TSC2: variants seen among roughly 807,000 people sequenced by gnomAD.
TSC2 encodes the protein TSC complex subunit 2, also known as tuberin.
Under a neutral mutation model 202.2 loss-of-function variants are expected in TSC2, and 29 were observed. That is an observed-to-expected ratio of 0.14 (90% CI 0.11 to 0.20). The LOEUF (loss-of-function observed/expected upper bound fraction) is 0.20, where lower values mean the gene tolerates loss of function less well. Among genes scored for constraint, TSC2 ranks in the 10% least tolerant of loss-of-function variants. TSC2 has a pLI of 1.00. For missense variants in TSC2, 2,429 were observed against 2,420.0 expected (o/e 1.00, Z -0.08); for synonymous variants, 1,349 against 1,044.0 (o/e 1.29, Z -5.63).
In TSC2 at chr16:2,089,376, C is replaced by G. The variant is rs555453899; in HGVS notation, c.*766C>G. On this transcript the variant is annotated 3_prime_UTR_variant, in exon 42 of 42. Coordinates refer to ENST00000219476, the MANE Select transcript of TSC2 (RefSeq NM_000548.5). ...AGGGTGGCGGCGGTGCAGGCTAACC[C>G]TCCCTGAAGCCAGCAGCCTTAGCAG... 1 of 399,426 alleles carries G rather than the reference C, an allele frequency of 2.5e-6. No individual in the cohort carries two copies. The highest frequency in any genetic ancestry group is 4.6e-6 in the Non-Finnish European group (1 of 217,782). The allele number at this position is 399,426 out of a possible 1,614,324, so 24.7% of individuals were successfully genotyped here. A position where few individuals can be genotyped will look rare whatever the true frequency, so the allele number is the denominator to read the frequency against.
chr16:2,076,511 C>G lies in TSC2; in HGVS notation c.2763C>G (p.Leu921=), dbSNP rs771817176. ...FITKGLRSNV[L]LSFDDTPEKD... ...GCCAGGGCCTGCGGTCCAATGTCCT[C>G]TTGTCTTTTGATGACACCCCCGAGA... Residue 921 remains leucine, a synonymous_variant, in exon 25 of 42, where the codon CTC becomes CTG. Transcript: ENST00000219476. 1 of 1,613,550 alleles carries G rather than the reference C, an allele frequency of 6.2e-7. No homozygotes were observed.
In TSC2 at chr16:2,048,064, G is replaced by A. The variant is rs1389444449; in HGVS notation, c.-31G>A. ...GCCCGGAGCGCGGTGGCGCGGCGCG[G>A]GGTAAGTGGCGGTCCCCACGGGGCA... is the stretch of plus-strand genomic sequence containing the variant. On this transcript the variant is annotated splice_region_variant and 5_prime_UTR_variant, in exon 1 of 42. Coordinates refer to ENST00000219476, the MANE Select transcript of TSC2 (RefSeq NM_000548.5). 7 of 1,426,590 alleles carry A rather than the reference G, an allele frequency of 4.9e-6. No individual in the cohort carries two copies. The highest frequency in any genetic ancestry group is 6.4e-6 in the Non-Finnish European group (7 of 1,097,274). The allele number at this position is 1,426,590 out of a possible 1,614,324, so 88.4% of individuals were successfully genotyped here. A position where few individuals can be genotyped will look rare whatever the true frequency, so the allele number is the denominator to read the frequency against.
intron 7 of TSC2, 149 bp from the exon 8 acceptor site, chr16:2,056,495 C>T (rs1022033890): frequency 3.7e-5 from 47 of 1,277,504 alleles, no homozygotes; most frequent in East Asian, 3.5e-4. Flanking sequence ...CCCACATGCC[C>T]GCTTGCCCTG....
At chr16:2,086,516 C>A in intron 37 of TSC2, 137 bp downstream of exon 37, 1 of 1,421,084 alleles carries the variant, frequency 7.0e-7, no homozygotes, top group Non-Finnish European at 9.6e-7. Context: ...AGGTTCCGAG[C>A]CTAACAGCGT....
intron 21 of TSC2, 121 bp from the exon 22 acceptor site, chr16:2,074,079 G>A (rs1392348149): frequency 7.8e-7 from 1 of 1,283,688 alleles, no homozygotes; most frequent in Non-Finnish European, 1.1e-6. Context: ...TGCCCCACAG[G>A]CATTCAGGGA....
rs1319507779 is a variant in TSC2 at position 2,087,194 on chromosome 16, C to A, written c.4989+323C>A. The A allele has an allele frequency of 2.3e-5, 10 of 437,988 alleles. 1 individual carries two copies. Among genetic ancestry groups the A allele is most frequent in the Admixed American group, 2.1e-4 (6 of 28,484 alleles). 27.1% of individuals were successfully genotyped at this position (437,988 alleles called of 1,614,324 possible). A position where few individuals can be genotyped will look rare whatever the true frequency, so the allele number is the denominator to read the frequency against. ...GCCCCCACCATCTCCCCAGTGGCAG[C>A]TGTCAGGCTGCTCAGTTGGTTATCG... On this transcript the variant is annotated intron_variant, in intron 38 of 41. Transcript: ENST00000219476.
At chr16:2,065,027 T>A (rs906951715) in intron 15 of TSC2, 3 of 189,952 alleles carry the variant, frequency 1.6e-5, no homozygotes, top group African/African-American at 7.2e-5. Context: ...GGCAGGAGAA[T>A]CGCTTGAACC....
In TSC2 at chr16:2,079,230, C is replaced by A. The variant is rs45487103; in HGVS notation, c.3131+34C>A. On this transcript the variant is annotated intron_variant, in intron 27 of 41. Transcript: ENST00000219476. This position sits in a 1 kb window ranked among gnomAD's most constrained non-coding sequence, Gnocchi z 4.6. ...GGCACTACAGGGCTGGGCGGGCCTG[C>A]GGGAGCTCCACGGGCAAGCTGGGTT... 6.2e-7 allele frequency: 1 copy of A among 1,612,884 alleles called. No individual in the cohort carries two copies. Among genetic ancestry groups the A allele is most frequent in the Non-Finnish European group, 8.5e-7 (1 of 1,180,012 alleles).
intron 15 of TSC2, chr16:2,064,738 A>G: frequency 4.1e-6 from 2 of 483,194 alleles, no homozygotes; most frequent in South Asian, 4.2e-5. Context: ...CTGCCCAGCC[A>G]ACAGCTTTGC....
At position 2,053,426 on chromosome 16, in the gene TSC2, C is replaced by G. The variant is rs1596259554; in HGVS notation, c.310C>G (p.Leu104Val). Residue 104 changes from leucine (L) to valine (V), a missense_variant, in exon 4 of 42, where the codon CTG becomes GTG. Physicochemically the swap from Leu to Val is conservative, Grantham distance 32. Coordinates refer to ENST00000219476, the MANE Select transcript of TSC2 (RefSeq NM_000548.5). ...PLEARHAVLA[L>V]LKAIVQGQGE... ...GGAGGCCCGGCACGCGGTGCTGGCT[C>G]TGCTGAAGGCCATCGTGCAGGGGCA... is the stretch of plus-strand genomic sequence containing the variant. The G allele has an allele frequency of 6.3e-7, 1 of 1,582,188 alleles. No homozygotes were observed. Among genetic ancestry groups the G allele is most frequent in the Non-Finnish European group, 8.6e-7 (1 of 1,164,886 alleles).
rs876659386 is a variant in TSC2, at chr16:2,062,977, A to G, written c.1367A>G (p.Glu456Gly). 2 of 1,550,634 alleles carry G rather than the reference A, an allele frequency of 1.3e-6. No individual in the cohort carries two copies. Among genetic ancestry groups the G allele is most frequent in the Admixed American group, 2.0e-5 (1 of 51,006 alleles). The change falls in exon 14 of 42, where the codon GAG becomes GGG. Residue 456 changes from glutamate to glycine, a missense_variant. By Grantham distance (98) the Glu-to-Gly change is moderately conservative. Coordinates refer to ENST00000219476, the MANE Select transcript of TSC2 (RefSeq NM_000548.5). Reference protein sequence around the residue: ...QALMERFFRSESRGAVRIKVL... With the variant: ...QALMERFFRSGSRGAVRIKVL... ...AGCAGGCTGCCGTCCCGCAGGAGCG[A>G]GTCCCGAGGCGCCGTGCGCATCAAG...
At chr16:2,071,471 C>G (rs751931493) in intron 17 of TSC2, 39 bp from the exon 18 acceptor site, 1 of 1,610,530 alleles carries the variant, frequency 6.2e-7, no homozygotes, top group Non-Finnish European at 8.5e-7. Flanking sequence ...TGGGCCTGCA[C>G]GAGCTTGGCT....
rs1596356675 is a variant in TSC2 at position 2,074,314 on chromosome 16, C to T, written c.2470C>T (p.Pro824Ser). 6.2e-7 allele frequency: 1 copy of T among 1,613,068 alleles called. No homozygotes were observed. Among genetic ancestry groups the T allele is most frequent in the Non-Finnish European group, 8.5e-7 (1 of 1,180,034 alleles). Residue 824 changes from proline (P) to serine (S), a missense_variant, in exon 22 of 42, where the codon CCT becomes TCT. By Grantham distance (74) the Pro-to-Ser change is moderately conservative. Transcript: ENST00000219476. Reference protein sequence around the residue: ...EMPDIIIKALPVLVVKLTHIS... With the variant: ...EMPDIIIKALSVLVVKLTHIS... ...GCCTGACATCATCATCAAGGCGCTG[C>T]CTGTTCTGGTGGTGAAGCTCACGCA...
At chr16:2,066,184 C>T (rs887241209) in intron 16 of TSC2, 4 of 156,924 alleles carry the variant, frequency 2.5e-5, no homozygotes, top group Admixed American at 2.4e-4. Context: ...CTTCCTGTCT[C>T]TGTGGATTTA....
chr16:2,058,679 C>T, intron 9 of TSC2, 68 bp from the exon 10 acceptor site: 1 of 1,546,240 alleles, frequency 6.5e-7, no homozygotes, highest in Non-Finnish European at 8.7e-7. Context: ...TCGGCAACCT[C>T]ACACATCCAT....
In TSC2 at chr16:2,048,716, A is replaced by G. The variant is rs777988634; in HGVS notation, c.101A>G (p.Lys34Arg). Reference protein sequence around the residue: ...PRPNPRSAEGKQTEFIITAEI... With the variant: ...PRPNPRSAEGRQTEFIITAEI... Reference sequence around the variant, plus strand: ...CCAAATCCCAGGTCTGCAGAGGGTAAACAGACGGAGTTTATCATCACCGCG... The same window carrying G: ...CCAAATCCCAGGTCTGCAGAGGGTAGACAGACGGAGTTTATCATCACCGCG... The change falls in exon 2 of 42, where the codon AAA (lysine) becomes AGA (arginine). Residue 34 changes from lysine (K) to arginine (R), a missense_variant. By Grantham distance (26) the Lys-to-Arg change is conservative. Coordinates refer to ENST00000219476, the MANE Select transcript of TSC2 (RefSeq NM_000548.5). The G allele has an allele frequency of 1.9e-6, 3 of 1,614,078 alleles. No homozygotes were observed. Among genetic ancestry groups the G allele is most frequent in the Middle Eastern group, 1.6e-4 (1 of 6,062 alleles).
At chr16:2,080,706 A>T (rs59669215) in intron 30 of TSC2, 42 of 324,302 alleles carry the variant, frequency 1.3e-4, no homozygotes, top group East Asian at 6.5e-4. Flanking sequence ...GGATGGTCTC[A>T]ATCTCCTGAC....
At chr16:2,056,295 A>C (rs2085803966) in intron 7 of TSC2, 51 bp downstream of exon 7, 1 of 1,611,526 alleles carries the variant, frequency 6.2e-7, no homozygotes, top group African/African-American at 1.3e-5. Flanking sequence ...GGTTTCTGGG[A>C]GGCTGGGGCT....
intron 26 of TSC2, among the ~76,000 whole-genome samples, chr16:2,077,996 C>A (rs2089646043): frequency 6.6e-6 from 1 of 152,220 alleles, no homozygotes; most frequent in South Asian, 2.1e-4. Flanking sequence ...CCCAGGCTGT[C>A]CCCAAGGGCC....
Sources: allele counts gnomAD v4.1 joint callset (sites outside exome capture counted in the v4.1 genomes callset), GRCh38; gene constraint gnomAD v4.1.1; non-coding constraint Gnocchi (gnomAD v3.1); transcripts MANE v1.5; gene names NCBI Gene and HGNC (gene_info 2026-07-23, HGNC 2026-07-21).